Variants in ANTXR2 observed in about 807,000 individuals in gnomAD.
The protein encoded by ANTXR2 is ANTXR cell adhesion molecule 2, also known as anthrax toxin receptor 2.
Under a neutral mutation model 73.7 loss-of-function variants are expected in ANTXR2, and 44 were observed. The ratio of observed to expected loss-of-function variants is 0.60; its 90% confidence interval spans 0.47 to 0.77. The LOEUF is 0.77. ANTXR2 is among the 30% of genes least tolerant of loss of function. The probability of loss-of-function intolerance (pLI) is 0.00; values close to 1 mark genes in which losing one functional copy is unlikely to be tolerated. For synonymous variants in ANTXR2, 217 were observed against 205.9 expected (o/e 1.05, Z -0.46); for missense variants, 604 against 592.5 (o/e 1.02, Z -0.20).
intron 12 of ANTXR2, among the ~76,000 whole-genome samples, chr4:79,985,954 A>C (rs979389524): frequency 2.0e-5 from 3 of 147,452 alleles, no homozygotes; most frequent in African/African-American, 7.6e-5. Context: ...CGATTCTCCT[A>C]TCTCAGCATC....
intron 2 of ANTXR2, 129 bp from the exon 3 acceptor site, chr4:80,069,636 T>C: frequency 4.4e-6 from 3 of 676,144 alleles, no homozygotes. Flanking sequence ...TTAAATGACA[T>C]TCCCTAAGTA....
chr4:79,947,102 C>A (rs112263072), intron 16 of ANTXR2, among the ~76,000 whole-genome samples: 2 of 152,078 alleles, frequency 1.3e-5, no homozygotes, highest in Non-Finnish European at 2.9e-5. Flanking sequence ...TCAGACGAAG[C>A]TGTTTTAAGG....
At position 80,008,560 on chromosome 4, in the gene ANTXR2, G is replaced by A. The variant is rs374107789; in HGVS notation, c.1002C>T (p.Ile334=). Residue 334 remains isoleucine (I), a synonymous_variant, in exon 12 of 17, where the codon ATC becomes ATT. Transcript: ENST00000403729. ...VILVLLLLLG[I]GLMWWFWPLC... ...GGGGCCAAAACCACCACATCAAACCGATCCCCAGGAGTAGCAGTAACACCA... is the reference window on the plus strand; with the variant it reads ...GGGGCCAAAACCACCACATCAAACCAATCCCCAGGAGTAGCAGTAACACCA... 46 of 1,607,198 alleles carry A rather than the reference G, an allele frequency of 2.9e-5. No individual in the cohort carries two copies. Among genetic ancestry groups the A allele is most frequent in the African/African-American group, 1.1e-4 (8 of 74,458 alleles).
chr4:80,007,217 C>T (rs1236369025), intron 12 of ANTXR2, among the ~76,000 whole-genome samples: 1 of 152,064 alleles, frequency 6.6e-6, no homozygotes, highest in Non-Finnish European at 1.5e-5. Context: ...TCTGAAATTG[C>T]AAGGATGATG....
intron 16 of ANTXR2, among the ~76,000 whole-genome samples, chr4:79,915,825 T>C (rs959399203): frequency 1.8e-5 from 2 of 112,746 alleles, no homozygotes; most frequent in African/African-American, 6.9e-5. Flanking sequence ...TCTCTGTCTC[T>C]CTCCCTCTCT....
chr4:80,027,958 A>G (rs1390200668), intron 10 of ANTXR2, among the ~76,000 whole-genome samples: 2 of 152,164 alleles, frequency 1.3e-5, no homozygotes, highest in Non-Finnish European at 2.9e-5. Flanking sequence ...TAAAGAAGAC[A>G]ATTTGGCACA....
chr4:80,056,161 T>C (rs1733985665), intron 3 of ANTXR2, 148 bp from the exon 4 acceptor site: 5 of 499,150 alleles, frequency 1.0e-5, no homozygotes, highest in Non-Finnish European at 1.7e-5. Flanking sequence ...GATAACTTCA[T>C]ATACTTTTTG....
chr4:79,963,014 G>T (rs1025789845), intron 16 of ANTXR2, among the ~76,000 whole-genome samples: 1 of 152,088 alleles, frequency 6.6e-6, no homozygotes, highest in Non-Finnish European at 1.5e-5. Context: ...GTTACACTTC[G>T]CAACTGTGAT....
chr4:80,063,813 T>C (rs78034312), intron 3 of ANTXR2, among the ~76,000 whole-genome samples: 4 of 152,164 alleles, frequency 2.6e-5, no homozygotes, highest in African/African-American at 9.7e-5. Flanking sequence ...TATAGTATCA[T>C]CAATTGATAA....
At chr4:79,929,105 G>A (rs942511267) in intron 16 of ANTXR2, among the ~76,000 whole-genome samples, 1 of 152,118 alleles carries the variant, frequency 6.6e-6, no homozygotes, top group Non-Finnish European at 1.5e-5. Flanking sequence ...GTTTAAGTTG[G>A]CCATAATACG....
intron 12 of ANTXR2, among the ~76,000 whole-genome samples, chr4:79,992,833 T>A (rs950146017): frequency 2.6e-5 from 4 of 152,070 alleles, no homozygotes; most frequent in African/African-American, 9.7e-5. Flanking sequence ...AGTGAATGAC[T>A]TTTTTCAGTT....
chr4:79,932,506 G>A lies in ANTXR2; in HGVS notation c.1429-25039C>T, dbSNP rs1728095159. Among the ~76,000 whole-genome samples, 4 of 151,970 alleles carry A rather than the reference G, an allele frequency of 2.6e-5. No homozygotes were observed. In the South Asian group the frequency reaches 8.3e-4, roughly 31 times the overall value. On this transcript the variant is annotated intron_variant, in intron 16 of 16. Coordinates refer to ENST00000403729, the MANE Select transcript of ANTXR2 (RefSeq NM_058172.6). ...AAGAAAAGAGTTAAAAATTTAGCAT[G>A]TGATGGCCAGGAGTGGTGGCTCATG...
chr4:79,928,254 C>T (rs1287188434), intron 16 of ANTXR2, among the ~76,000 whole-genome samples: 1 of 152,152 alleles, frequency 6.6e-6, no homozygotes. Flanking sequence ...ATAAGCCAGA[C>T]ACAAAAGGAC....
chr4:79,965,527 A>G (rs1163428491), intron 16 of ANTXR2, among the ~76,000 whole-genome samples: 2 of 152,246 alleles, frequency 1.3e-5, no homozygotes, highest in East Asian at 3.8e-4. Context: ...AAATTGCTTT[A>G]TAAGCACACA....
At chr4:79,912,531 A>T (rs182224632) in intron 16 of ANTXR2, among the ~76,000 whole-genome samples, 3 of 152,208 alleles carry the variant, frequency 2.0e-5, no homozygotes, top group Admixed American at 2.0e-4. Flanking sequence ...AACATTACAT[A>T]GTTAGTGAAT....
rs1433911656 is a variant in ANTXR2, at chr4:80,060,586, A to T, written c.297-4573T>A. Among the ~76,000 whole-genome samples, 4 of 152,316 alleles carry T rather than the reference A, an allele frequency of 2.6e-5. No individual in the cohort carries two copies. The East Asian group carries it at 7.7e-4, about 29-fold the overall frequency. ...TCAACCTTGTTTCTTCATTTATAAA[A>T]TAGGAATATAAATATCTCCCCCATG... On this transcript the variant is annotated intron_variant, in intron 3 of 16. Transcript: ENST00000403729.
chr4:79,905,950 T>A lies in ANTXR2; in HGVS notation c.*1479A>T, dbSNP rs1578070557. The A allele has an allele frequency of 6.6e-6, 1 of 152,536 alleles. No homozygotes were observed. The highest frequency in any genetic ancestry group is 6.6e-5 in the Admixed American group (1 of 15,262). The allele number at this position is 152,536 out of a possible 1,614,324, so 9.4% of individuals were successfully genotyped here. On this transcript the variant is annotated 3_prime_UTR_variant, in exon 17 of 17. Transcript: ENST00000403729. ...AAGCCTTTGTGCTCACAGAGAGACA[T>A]CCCACTGACCCAGCCACTGGTCATT... is the stretch of plus-strand genomic sequence containing the variant.
intron 16 of ANTXR2, among the ~76,000 whole-genome samples, chr4:79,926,655 C>A (rs1241839712): frequency 1.3e-5 from 2 of 152,080 alleles, no homozygotes; most frequent in East Asian, 3.8e-4. Flanking sequence ...ACATTTCTTA[C>A]ATAGGAAATC....
chr4:80,013,387 G>T (rs1170213504), intron 11 of ANTXR2, among the ~76,000 whole-genome samples: 1 of 152,202 alleles, frequency 6.6e-6, no homozygotes, highest in Non-Finnish European at 1.5e-5. Flanking sequence ...GGTAAGAAAG[G>T]CTCAGAAGCA....
Sources: allele counts gnomAD v4.1 joint callset (sites outside exome capture counted in the v4.1 genomes callset), GRCh38; gene constraint gnomAD v4.1.1; transcripts MANE v1.5; gene names NCBI Gene and HGNC (gene_info 2026-07-23, HGNC 2026-07-21).